SPTLC1: variants seen among roughly 807,000 people sequenced by gnomAD.
The protein encoded by SPTLC1 is serine palmitoyltransferase long chain base subunit 1.
Under a neutral mutation model 68.9 loss-of-function variants are expected in SPTLC1, and 55 were observed. The ratio of observed to expected loss-of-function variants is 0.80; its 90% CI spans 0.64 to 1.00. SPTLC1 has a LOEUF of 1.00. Among genes scored for constraint, SPTLC1 ranks in the 50% least tolerant of loss-of-function variants. The probability of loss-of-function intolerance (pLI) is 0.00; values close to 1 mark genes in which losing one functional copy is unlikely to be tolerated. For missense variants in SPTLC1, 449 were observed against 573.1 expected, an observed-to-expected ratio of 0.78 and a Z score of 2.21; for synonymous variants, 197 against 201.6, an observed-to-expected ratio of 0.98 and a Z score of 0.19.
intron 3 of SPTLC1, among the ~76,000 whole-genome samples, chr9:92,093,909 T>A (rs1490658703): frequency 6.6e-6 from 1 of 152,220 alleles, no homozygotes; most frequent in Non-Finnish European, 1.5e-5. Context: ...CTAGAATTCA[T>A]GAGAACTGTG....
At chr9:92,074,627 A>T (rs145057283) in intron 5 of SPTLC1, among the ~76,000 whole-genome samples, 4 of 152,162 alleles carry the variant, frequency 2.6e-5, no homozygotes, top group African/African-American at 9.6e-5. Flanking sequence ...ACAGACTTTA[A>T]GGGGCCTAAA....
At chr9:92,068,823 C>T (rs1042591118) in intron 5 of SPTLC1, among the ~76,000 whole-genome samples, 1 of 152,184 alleles carries the variant, frequency 6.6e-6, no homozygotes, top group Non-Finnish European at 1.5e-5. Flanking sequence ...TTCATGCCCT[C>T]GGACGGAGGA....
At chr9:92,046,190 C>A (rs1017507862) in intron 11 of SPTLC1, 137 bp from the exon 12 acceptor site, 8 of 780,386 alleles carry the variant, frequency 1.0e-5, no homozygotes, top group Non-Finnish European at 1.7e-5. Flanking sequence ...GAGCCAAGAA[C>A]CCATACTCCC....
chr9:92,098,357 A>G (rs1047755211), intron 3 of SPTLC1, among the ~76,000 whole-genome samples: 2 of 150,572 alleles, frequency 1.3e-5, no homozygotes, highest in African/African-American at 4.9e-5. Context: ...CACCTTTGGC[A>G]CAGCGCGACT....
intron 12 of SPTLC1, among the ~76,000 whole-genome samples, chr9:92,038,766 TG>T (rs1833240978): frequency 6.6e-6 from 1 of 152,238 alleles, no homozygotes; most frequent in South Asian, 2.1e-4. Context: ...TGCCTGCTGC[TG>T]GGGCCTTCTT....
chr9:92,095,121 T>TA (rs79428893), intron 3 of SPTLC1, among the ~76,000 whole-genome samples: 16,488 of 151,630 alleles, frequency 0.11, 1,934 homozygotes, highest in African/African-American at 0.3. Flanking sequence ...GGGAATCCAG[T>TA]AAAAAAACAG....
intron 3 of SPTLC1, among the ~76,000 whole-genome samples, chr9:92,105,824 G>A (rs983714280): frequency 1.1e-4 from 16 of 151,462 alleles, no homozygotes; most frequent in Non-Finnish European, 2.4e-4. Flanking sequence ...GCGAAGTGAG[G>A]AGTGCCTCTG....
At chr9:92,114,969 GTTCC>G in intron 1 of SPTLC1, 2 of 408,998 alleles carry the variant, frequency 4.9e-6, no homozygotes, top group South Asian at 2.5e-5. Context: ...AGACGAAGGT[GTTCC>G]ACTCATTTTC....
At position 92,038,602 on chromosome 9, in the gene SPTLC1, C is replaced by T. The variant is rs935525673; in HGVS notation, c.1137-237G>A. On this transcript the variant is annotated intron_variant, in intron 12 of 14. Coordinates refer to ENST00000262554, the MANE Select transcript of SPTLC1 (RefSeq NM_006415.4). ...TGGCTTCCTGAGTGCAGGACCGGGT[C>T]TCATGGCCCCAGCCTCCCACCAGGG... 11 of 531,376 alleles carry T rather than the reference C, an allele frequency of 2.1e-5. No individual in the cohort carries two copies. The Admixed American group carries it at 3.2e-4, about 15-fold the overall frequency. The allele number at this position is 531,376 out of a possible 1,614,324, so 32.9% of individuals were successfully genotyped here.
chr9:92,052,560 C>G (rs188638262), intron 8 of SPTLC1, among the ~76,000 whole-genome samples: 1 of 150,890 alleles, frequency 6.6e-6, no homozygotes, highest in African/African-American at 2.4e-5. Context: ...GACAGAGTCT[C>G]GCTCTGTTGC....
At chr9:92,067,892 T>C (rs965922173) in intron 6 of SPTLC1, 74 bp downstream of exon 6, 7 of 1,493,324 alleles carry the variant, frequency 4.7e-6, no homozygotes, top group Non-Finnish European at 6.5e-6. Flanking sequence ...TAACTTCTAA[T>C]GAAGTATTTC....
At chr9:92,080,987 A>T in intron 3 of SPTLC1, 24 bp from the exon 4 acceptor site, 1 of 1,553,656 alleles carries the variant, frequency 6.4e-7, no homozygotes, top group Non-Finnish European at 8.9e-7. Context: ...AGAGTGGTAC[A>T]TGTCAATTAC....
chr9:92,095,936 C>T (rs1835513782), intron 3 of SPTLC1, among the ~76,000 whole-genome samples: 1 of 152,202 alleles, frequency 6.6e-6, no homozygotes, highest in Non-Finnish European at 1.5e-5. Flanking sequence ...GGTGCCTAGA[C>T]AACAGGCAGT....
At chr9:92,105,097 G>A (rs1457555925) in intron 3 of SPTLC1, 1 of 1,532,922 alleles carries the variant, frequency 6.5e-7, no homozygotes, top group Admixed American at 2.0e-5. Context: ...GGGAGGACAT[G>A]CAGCCCAAGG....
At chr9:92,050,948 G>C in intron 8 of SPTLC1, 1 of 978,996 alleles carries the variant, frequency 1.0e-6, no homozygotes, top group African/African-American at 1.8e-5. Context: ...AAAGTGTTGG[G>C]ATTAAAGGTG....
chr9:92,033,227 G>C lies in SPTLC1; in HGVS notation c.1329-669C>G, dbSNP rs545694556. ...TCCATCATGTACTGCTTCAGGCAGT[G>C]CCAGGCACAAAGCAGGAATTCCATC... is the stretch of plus-strand genomic sequence containing the variant. On this transcript the variant is annotated intron_variant, in intron 14 of 14. Coordinates refer to ENST00000262554, the MANE Select transcript of SPTLC1 (RefSeq NM_006415.4). Among the ~76,000 whole-genome samples, 3 of 152,332 alleles carry C rather than the reference G, an allele frequency of 2.0e-5. No homozygotes were observed. In the South Asian group the frequency reaches 6.2e-4, roughly 32 times the overall value.
intron 3 of SPTLC1, among the ~76,000 whole-genome samples, chr9:92,103,576 G>T (rs1835839173): frequency 6.6e-6 from 1 of 152,206 alleles, no homozygotes. Context: ...AAAAAGCGGA[G>T]ACCCTGCCTG....
intron 7 of SPTLC1, among the ~76,000 whole-genome samples, chr9:92,057,740 A>G (rs370274646): frequency 4.8e-4 from 73 of 152,350 alleles, no homozygotes; most frequent in African/African-American, 1.8e-3. Context: ...CGACCAGATT[A>G]TTTATGTGAA....
Position 92,038,252 on chromosome 9 carries a change from T to C in SPTLC1, c.1250A>G (p.Asp417Gly). The C allele has an allele frequency of 6.2e-7, 1 of 1,608,676 alleles. No homozygotes were observed. Among genetic ancestry groups the C allele is most frequent in the Non-Finnish European group, 8.5e-7 (1 of 1,174,968 alleles). ...CTCAAGTCAACGGATACTTACTTGA[T>C]CTACAATTTCCTGAAGCAGTCTGAC... ...QDVRLLQEIV[D>G]QCMNRSIALT... Residue 417 changes from aspartate (D) to glycine (G), a missense_variant, in exon 13 of 15, where the codon GAT (aspartate) becomes GGT (glycine). Asp to Gly is a moderately conservative substitution (Grantham distance 94, BLOSUM62 -1). Transcript: ENST00000262554.
Sources: allele counts gnomAD v4.1 joint callset (sites outside exome capture counted in the v4.1 genomes callset), GRCh38; gene constraint gnomAD v4.1.1; transcripts MANE v1.5; gene names NCBI Gene and HGNC (gene_info 2026-07-23, HGNC 2026-07-21).